Variants in FPR1 observed in about 807,000 individuals in gnomAD.
The protein encoded by FPR1 is formyl peptide receptor 1.
For missense variants in FPR1, 407 were observed against 453.0 expected (o/e 0.90, Z 0.92); for synonymous variants, 193 against 176.7 (o/e 1.09, Z -0.73).
At chr19:51,750,225 G>C (rs1315104350) in intron 1 of FPR1, 6 of 152,158 alleles carry the variant, frequency 3.9e-5, no homozygotes, top group African/African-American at 1.4e-4. Context: ...TCAAGCACTT[G>C]AATTGTGGCT....
chr19:51,748,920 G>A (rs531336695), intron 1 of FPR1, among the ~76,000 whole-genome samples: 2 of 152,206 alleles, frequency 1.3e-5, no homozygotes, highest in Non-Finnish European at 1.5e-5. Context: ...AGAACTATAA[G>A]GTATGCAACT....
chr19:51,750,018 T>C (rs2083771057), intron 1 of FPR1, among the ~76,000 whole-genome samples: 1 of 152,176 alleles, frequency 6.6e-6, no homozygotes, highest in Non-Finnish European at 1.5e-5. Context: ...AAATTGTTAC[T>C]ATGAGGGTCA....
At chr19:51,751,330 C>T (rs552963009) in intron 1 of FPR1, among the ~76,000 whole-genome samples, 66 of 152,288 alleles carry the variant, frequency 4.3e-4, no homozygotes, top group Non-Finnish European at 8.2e-4. Context: ...TCTCTATATT[C>T]CATCATTCCC....
At chr19:51,750,745 A>G (rs1164211343) in intron 1 of FPR1, 1 of 152,224 alleles carries the variant, frequency 6.6e-6, no homozygotes, top group Non-Finnish European at 1.5e-5. Context: ...GGTGGCTGCC[A>G]TCGATGAAGG....
chr19:51,745,932 A>T lies in FPR1; in HGVS notation c.*10T>A, dbSNP rs2083739755. 2 of 1,602,596 alleles carry T rather than the reference A, an allele frequency of 1.2e-6. No individual in the cohort carries two copies. The highest frequency in any genetic ancestry group is 1.3e-5 in the African/African-American group (1 of 74,504). ...AGCTGGGAGCTCGAAAGTGTCCCCC[A>T]GCTCCCTCCTCACTTTGCCTGTAAC... On this transcript the variant is annotated 3_prime_UTR_variant, in exon 2 of 2. Transcript: ENST00000304748.
intron 1 of FPR1, among the ~76,000 whole-genome samples, chr19:51,751,373 G>C (rs1438982856): frequency 2.0e-5 from 3 of 151,938 alleles, no homozygotes; most frequent in Non-Finnish European, 2.9e-5. Context: ...GAGCCTATTT[G>C]TTTATTTATT....
chr19:51,750,681 G>A (rs1040444778), intron 1 of FPR1: 1 of 152,188 alleles, frequency 6.6e-6, no homozygotes, highest in African/African-American at 2.4e-5. Context: ...GTGCAATTTT[G>A]TCCAATTATG....
chr19:51,751,793 C>G (rs2083782870), intron 1 of FPR1, 21 bp downstream of exon 1: 1 of 152,390 alleles, frequency 6.6e-6, no homozygotes, highest in East Asian at 1.9e-4. Context: ...GCTACCCAGT[C>G]CCCCAGAATA....
In FPR1 at chr19:51,746,430, C is replaced by A; in HGVS notation, c.565G>T (p.Glu189Ter). The change falls in exon 2 of 2, where the codon GAG becomes TAG. Residue 189 changes from glutamate (E) to a stop codon, truncating the protein, a stop_gained. Coordinates refer to ENST00000304748, the MANE Select transcript of FPR1 (RefSeq NM_002029.4). LOFTEE classifies it low-confidence loss of function (END_TRUNC). This position sits in a 1 kb window ranked among gnomAD's most constrained non-coding sequence, Gnocchi z 4.3. ...NFSPWTNDPK[E>*]RINVAVAMLT... ...ATGGCAACGGCCACATTTATCCTCTCTTTAGGGTCGTTGGTCCAGGGCGAA... is the reference window on the plus strand; with the variant it reads ...ATGGCAACGGCCACATTTATCCTCTATTTAGGGTCGTTGGTCCAGGGCGAA... The A allele has an allele frequency of 1.2e-6, 2 of 1,614,148 alleles. No individual in the cohort carries two copies. Among genetic ancestry groups the A allele is most frequent in the Non-Finnish European group, 1.7e-6 (2 of 1,180,016 alleles).
chr19:51,745,979 G>A lies in FPR1; in HGVS notation c.1016C>T (p.Thr339Ile), dbSNP rs1232982137. 9 of 1,613,780 alleles carry A rather than the reference G, an allele frequency of 5.6e-6. No homozygotes were observed. Among genetic ancestry groups the A allele is most frequent in the Middle Eastern group, 1.6e-4 (1 of 6,084 alleles). Residue 339 changes from threonine to isoleucine, a missense_variant, in exon 2 of 2, where the codon ACT becomes ATT. Coordinates refer to ENST00000304748, the MANE Select transcript of FPR1 (RefSeq NM_002029.4). Reference sequence around the variant, plus strand: ...TAACTCCACCTCTGCAGAAGGTAAAGTAGAATTGGTAGCTGTGTCACTGGT... The same window carrying A: ...TAACTCCACCTCTGCAGAAGGTAAAATAGAATTGGTAGCTGTGTCACTGGT... ...TQTSDTATNS[T>I]LPSAEVELQA...
chr19:51,745,886 C>A lies in FPR1; in HGVS notation c.*56G>T. On this transcript the variant is annotated 3_prime_UTR_variant, in exon 2 of 2. Transcript: ENST00000304748. ...AGGAAATGCCTGTGGCTCAGCCTAA[C>A]TCAAGGTGAGACGAAGCTGGAGCTG... The A allele has an allele frequency of 4.8e-6, 7 of 1,448,106 alleles. No individual in the cohort carries two copies. The highest frequency in any genetic ancestry group is 6.7e-6 in the Non-Finnish European group (7 of 1,043,096). The allele number at this position is 1,448,106 out of a possible 1,614,324, so 89.7% of individuals were successfully genotyped here.
At chr19:51,750,912 G>C (rs1183671228) in intron 1 of FPR1, 1 of 152,218 alleles carries the variant, frequency 6.6e-6, no homozygotes. Context: ...ATTCATGAGA[G>C]GGCAGGGCTG....
chr19:51,750,454 T>C (rs11673446), intron 1 of FPR1, among the ~76,000 whole-genome samples: 74,169 of 152,030 alleles, frequency 0.49, 18,615 homozygotes, highest in East Asian at 0.64. Context: ...CACTTTGAAA[T>C]TACATATGTG....
Position 51,746,972 on chromosome 19 carries a change from G to A in FPR1, c.23C>T (p.Pro8Leu). The change falls in exon 2 of 2, where the codon CCC (proline) becomes CTC (leucine). Residue 8 changes from proline to leucine, a missense_variant. Physicochemically the swap from Pro to Leu is moderately conservative, Grantham distance 98 (BLOSUM62 -3). Transcript: ENST00000304748. The surrounding 1 kb of genome is among the most constrained non-coding windows in gnomAD (Gnocchi z 4.3). METNSSL[P>L]TNISGGTPAV... ...AGGTGTCCCTCCAGAGATGTTCGTG[G>A]GGAGAGAGGAATTTGTCTCCATCTT... 6.2e-7 allele frequency: 1 copy of A among 1,612,324 alleles called. No homozygotes were observed. The highest frequency in any genetic ancestry group is 8.5e-7 in the Non-Finnish European group (1 of 1,178,678).
intron 1 of FPR1, among the ~76,000 whole-genome samples, chr19:51,749,459 G>A (rs34447090): frequency 0.011 from 1,601 of 152,216 alleles, 12 homozygotes; most frequent in Non-Finnish European, 0.016. Context: ...TCTCGTCTCT[G>A]CGGTTACCTT....
In FPR1 at chr19:51,746,902, C is replaced by A. The variant is rs1044585176; in HGVS notation, c.93G>T (p.Leu31=). The A allele has an allele frequency of 4.3e-6, 7 of 1,613,990 alleles. No individual in the cohort carries two copies. The highest frequency in any genetic ancestry group is 5.1e-6 in the Non-Finnish European group (6 of 1,180,028). Residue 31 remains leucine, a synonymous_variant, in exon 2 of 2, where the codon CTG becomes CTT. Coordinates refer to ENST00000304748, the MANE Select transcript of FPR1 (RefSeq NM_002029.4). This position sits in a 1 kb window ranked among gnomAD's most constrained non-coding sequence, Gnocchi z 4.3. Reference sequence around the variant, plus strand: ...CGAGGACAAAGGTGACTGCAAATACCAGATAAGTGATGATATCCAGGAAGA... The same window carrying A: ...CGAGGACAAAGGTGACTGCAAATACAAGATAAGTGATGATATCCAGGAAGA... The part of the protein sequence containing the change: ...GYLFLDIITY[L]VFAVTFVLGV...
In FPR1 at chr19:51,746,555, A is replaced by G. The variant is rs142367736; in HGVS notation, c.440T>C (p.Ile147Thr). Reference protein sequence around the residue: ...RTVSLAKKVIIGPWVMALLLT... With the variant: ...RTVSLAKKVITGPWVMALLLT... ...GAGCAGAGCCATCACCCAGGGCCCA[A>G]TGATCACCTTCTTGGCCAGGCTCAC... Residue 147 changes from isoleucine to threonine, a missense_variant, in exon 2 of 2, where the codon ATT becomes ACT. Ile to Thr is a moderately conservative substitution (Grantham distance 89). Coordinates refer to ENST00000304748, the MANE Select transcript of FPR1 (RefSeq NM_002029.4). This position sits in a 1 kb window ranked among gnomAD's most constrained non-coding sequence, Gnocchi z 4.3. The G allele has an allele frequency of 4.6e-4, 738 of 1,614,176 alleles. 1 individual carries two copies. The highest frequency in any genetic ancestry group is 6.0e-4 in the African/African-American group (45 of 75,028).
intron 1 of FPR1, among the ~76,000 whole-genome samples, chr19:51,749,077 T>C (rs1961645952): frequency 6.6e-6 from 1 of 152,062 alleles, no homozygotes; most frequent in African/African-American, 2.4e-5. Context: ...TAGCCAGGCA[T>C]GGCGGTGGGT....
chr19:51,747,020 T>C lies in FPR1; in HGVS notation c.-11-15A>G. On this transcript the variant is annotated splice_polypyrimidine_tract_variant and intron_variant, in intron 1 of 1. Transcript: ENST00000304748. Reference sequence around the variant, plus strand: ...CTTGTCTGCTCCTGAAATAGTGCAGTCGTGGTCATTCCTCAGTTATGAACC... The same window carrying C: ...CTTGTCTGCTCCTGAAATAGTGCAGCCGTGGTCATTCCTCAGTTATGAACC... 1 of 1,550,294 alleles carries C rather than the reference T, an allele frequency of 6.5e-7. No individual in the cohort carries two copies. Among genetic ancestry groups the C allele is most frequent in the Non-Finnish European group, 8.8e-7 (1 of 1,133,262 alleles).
Sources: gnomAD v4.1 joint callset for allele counts (sites outside exome capture counted in the v4.1 genomes callset) on GRCh38, gnomAD v4.1.1 for gene constraint, Gnocchi (gnomAD v3.1) non-coding constraint, MANE v1.5 for transcripts, NCBI Gene and HGNC (gene_info 2026-07-23, HGNC 2026-07-21) for gene names.